Variants in PCLO observed in about 807,000 individuals in gnomAD.
The protein encoded by PCLO is protein piccolo.
Under a neutral mutation model 427.5 loss-of-function variants are expected in PCLO, and 82 were observed. The observed-to-expected ratio is 0.19, with a 90% CI of 0.16 to 0.23. PCLO has a LOEUF of 0.23. Among genes scored for constraint, PCLO ranks in the 10% least tolerant of loss-of-function variants. PCLO has a pLI of 1.00. For synonymous variants in PCLO, 2,357 were observed against 2,155.4 expected (o/e 1.09, Z -2.59); for missense variants, 6,239 against 6,115.9 (o/e 1.02, Z -0.67).
intron 22 of PCLO, among the ~76,000 whole-genome samples, chr7:82,769,312 A>G (rs865852933): frequency 9.9e-5 from 15 of 152,194 alleles, no homozygotes; most frequent in African/African-American, 3.1e-4. Flanking sequence ...TTGTCTACAT[A>G]GGCACATAGG....
At chr7:83,005,037 G>T (rs1787913827) in intron 3 of PCLO, among the ~76,000 whole-genome samples, 1 of 150,550 alleles carries the variant, frequency 6.6e-6, no homozygotes, top group Non-Finnish European at 1.5e-5. Context: ...GTTGGAAAGG[G>T]TAGGAAGATA....
intron 22 of PCLO, among the ~76,000 whole-genome samples, chr7:82,762,769 A>G (rs1790457487): frequency 1.3e-5 from 2 of 151,968 alleles, no homozygotes; most frequent in African/African-American, 4.8e-5. Context: ...AATAGAGGAC[A>G]ACTGCATTCT....
chr7:82,922,338 A>G (rs1316885023), intron 6 of PCLO, among the ~76,000 whole-genome samples: 2 of 152,108 alleles, frequency 1.3e-5, no homozygotes, highest in Non-Finnish European at 2.9e-5. Flanking sequence ...GAACCAAGCC[A>G]GATGTCCATC....
chr7:82,903,156 C>T (rs905637720), intron 8 of PCLO, among the ~76,000 whole-genome samples: 6 of 151,766 alleles, frequency 4.0e-5, no homozygotes, highest in African/African-American at 1.2e-4. Flanking sequence ...TAAGTTGTGC[C>T]GGGGGAGAAA....
intron 22 of PCLO, among the ~76,000 whole-genome samples, chr7:82,784,457 C>A (rs1033019724): frequency 6.6e-6 from 1 of 151,774 alleles, no homozygotes; most frequent in Admixed American, 6.6e-5. Context: ...GATTTTTTTT[C>A]TTTTTTAATT....
At chr7:83,137,116 C>G (rs964002111) in intron 2 of PCLO, among the ~76,000 whole-genome samples, 1 of 152,076 alleles carries the variant, frequency 6.6e-6, no homozygotes, top group African/African-American at 2.4e-5. Flanking sequence ...GACAAATTTC[C>G]CACAGTACAA....
At chr7:82,983,565 T>C (rs901697349) in intron 3 of PCLO, among the ~76,000 whole-genome samples, 131 of 150,114 alleles carry the variant, frequency 8.7e-4, no homozygotes, top group African/African-American at 3.0e-3. Flanking sequence ...ATTACAGATC[T>C]AGCTAAAATT....
chr7:82,936,295 T>A (rs955393564), intron 6 of PCLO, among the ~76,000 whole-genome samples: 9 of 151,566 alleles, frequency 5.9e-5, no homozygotes, highest in Non-Finnish European at 1.2e-4. Context: ...TAAGAAAAAC[T>A]AGAAAATTCT....
rs796190832 is a variant in PCLO, at chr7:83,065,403, A to C, written c.3300+68847T>G. Reference sequence around the variant, plus strand: ...AACTCTCGAAGTTCCCAATATTCTAAGTAAACTAAACATACAATTTTGTGG... The same window carrying C: ...AACTCTCGAAGTTCCCAATATTCTACGTAAACTAAACATACAATTTTGTGG... On this transcript the variant is annotated intron_variant, in intron 3 of 24. Transcript: ENST00000333891. Among the ~76,000 whole-genome samples, 7 of 151,680 alleles carry C rather than the reference A, an allele frequency of 4.6e-5. No homozygotes were observed. The South Asian group carries it at 1.2e-3, about 27-fold the overall frequency.
chr7:82,849,025 T>C lies in PCLO; in HGVS notation c.13655-1778A>G, dbSNP rs907881590. ...AGGAAAATAAAGCACTTTTTTTAAA[T>C]AAGGAGGAAGAGTACATTAATAAAC... On this transcript the variant is annotated intron_variant, in intron 10 of 24. Transcript: ENST00000333891. 8 of 251,292 alleles carry C rather than the reference T, an allele frequency of 3.2e-5. No individual in the cohort carries two copies. In the East Asian group the frequency reaches 7.4e-4, roughly 23 times the overall value. 15.6% of individuals were successfully genotyped at this position (251,292 alleles called of 1,614,324 possible).
intron 3 of PCLO, among the ~76,000 whole-genome samples, chr7:82,975,289 T>G (rs1322723050): frequency 2.6e-5 from 4 of 152,168 alleles, no homozygotes; most frequent in African/African-American, 9.7e-5. Flanking sequence ...AAATATGCAT[T>G]TGGAAGACAG....
chr7:82,769,390 T>C (rs1790599146), intron 22 of PCLO, among the ~76,000 whole-genome samples: 1 of 152,136 alleles, frequency 6.6e-6, no homozygotes, highest in African/African-American at 2.4e-5. Context: ...TATTCATCAT[T>C]ATGTGAAATT....
At chr7:83,036,531 C>T (rs1583939212) in intron 3 of PCLO, among the ~76,000 whole-genome samples, 1 of 151,996 alleles carries the variant, frequency 6.6e-6, no homozygotes, top group African/African-American at 2.4e-5. Flanking sequence ...CTTTTCTTAT[C>T]GTAGAAGCAG....
At chr7:82,833,090 T>C (rs905090589) in intron 16 of PCLO, among the ~76,000 whole-genome samples, 14 of 152,130 alleles carry the variant, frequency 9.2e-5, no homozygotes, top group African/African-American at 3.4e-4. Flanking sequence ...AGAACATGCT[T>C]GTATTTTGTT....
chr7:82,873,181 T>A, intron 10 of PCLO, among the ~76,000 whole-genome samples: 1 of 4,858 alleles, frequency 2.1e-4, no homozygotes, highest in Admixed American at 1.5e-3. Context: ...TTCTGTAAGT[T>A]TTTTTTTTTT....
intron 10 of PCLO, among the ~76,000 whole-genome samples, chr7:82,870,526 G>T: frequency 6.6e-6 from 1 of 151,898 alleles, no homozygotes; most frequent in Admixed American, 6.6e-5. Flanking sequence ...ACATTGGTAT[G>T]GGCAAAAATG....
intron 11 of PCLO, 137 bp downstream of exon 11, chr7:82,847,002 G>A: frequency 5.0e-6 from 3 of 602,042 alleles, no homozygotes; most frequent in South Asian, 4.2e-5. Context: ...TTCTTTCTAT[G>A]CTTTAGGCTT....
intron 16 of PCLO, among the ~76,000 whole-genome samples, chr7:82,833,301 T>C (rs376304734): frequency 2.0e-5 from 3 of 152,294 alleles, no homozygotes. Context: ...AAAATCTCAG[T>C]AATGAGAAAA....
In PCLO at chr7:82,952,289, T is replaced by C; in HGVS notation, c.8664A>G (p.Val2888=). The C allele has an allele frequency of 2.5e-6, 4 of 1,613,992 alleles. No homozygotes were observed. Among genetic ancestry groups the C allele is most frequent in the Non-Finnish European group, 3.4e-6 (4 of 1,179,862 alleles). ...GVTNGWTDST[V]SQGITDGEVV... is the part of the protein sequence containing the mutation. ...CTTCCCCATCAGTGATTCCCTGGGA[T>C]ACGGTGCTATCAGTCCATCCATTTG... is the stretch of plus-strand genomic sequence containing the variant. The change falls in exon 5 of 25, where the codon GTA becomes GTG. Residue 2888 remains valine (V), a synonymous_variant. Transcript: ENST00000333891.
Sources: gnomAD v4.1 joint callset for allele counts (sites outside exome capture counted in the v4.1 genomes callset) on GRCh38, gnomAD v4.1.1 for gene constraint, MANE v1.5 for transcripts, NCBI Gene and HGNC (gene_info 2026-07-23, HGNC 2026-07-21) for gene names.